The following RPS6KA5 variants were observed in gnomAD, a reference collection of about 807,000 sequenced individuals.
RPS6KA5 encodes the protein ribosomal protein S6 kinase A5.
In RPS6KA5, 27 loss-of-function variants were observed where a neutral mutation model predicts 85.5. That is an observed-to-expected ratio of 0.32 (90% confidence interval 0.23 to 0.44). The LOEUF (loss-of-function observed/expected upper bound fraction) is 0.44, where lower values mean the gene tolerates loss of function less well. Ranked by LOEUF, RPS6KA5 falls within the 20% of genes least tolerant of loss-of-function variation. The pLI is 1.00. For missense variants in RPS6KA5, 811 were observed against 980.9 expected (o/e 0.83, Z 2.31); for synonymous variants, 334 against 348.2 (o/e 0.96, Z 0.46).
rs942349566 is a variant in RPS6KA5, at chr14:90,870,262, G to A, written c.*1812C>T. The stretch of plus-strand genomic sequence containing the variant: ...TGATTACTAGAGATCTGTGCCTGAT[G>A]GAATCACATTTTGTGAATTAGCAAT... On this transcript the variant is annotated 3_prime_UTR_variant, in exon 17 of 17. Coordinates refer to ENST00000614987, the MANE Select transcript of RPS6KA5 (RefSeq NM_004755.4). The A allele has an allele frequency of 6.6e-6, 1 of 152,048 alleles. No individual in the cohort carries two copies. The highest frequency in any genetic ancestry group is 1.5e-5 in the Non-Finnish European group (1 of 68,000). 9.4% of individuals were successfully genotyped at this position (152,048 alleles called of 1,614,324 possible).
chr14:90,955,853 T>C (rs571699456), intron 3 of RPS6KA5, among the ~76,000 whole-genome samples: 1 of 152,328 alleles, frequency 6.6e-6, no homozygotes, highest in East Asian at 1.9e-4. Context: ...CTCCATTTCT[T>C]TCAGTTTTTG....
intron 1 of RPS6KA5, among the ~76,000 whole-genome samples, chr14:91,051,686 A>G (rs1488739794): frequency 5.3e-5 from 8 of 151,778 alleles, no homozygotes; most frequent in Non-Finnish European, 1.2e-4. Context: ...ATGGGGTTTC[A>G]CCATGTTGGC....
At chr14:90,942,257 A>G (rs2140352770) in intron 5 of RPS6KA5, among the ~76,000 whole-genome samples, 1 of 152,332 alleles carries the variant, frequency 6.6e-6, no homozygotes, top group South Asian at 2.1e-4. Flanking sequence ...AAATAGATAT[A>G]CCTAATTTGG....
chr14:90,997,850 A>C (rs1205435801), intron 2 of RPS6KA5, among the ~76,000 whole-genome samples: 2 of 151,986 alleles, frequency 1.3e-5, no homozygotes, highest in Admixed American at 1.3e-4. Flanking sequence ...GTCTCTATTA[A>C]AAATACAAAA....
At chr14:90,947,054 G>C (rs2037908964) in intron 4 of RPS6KA5, among the ~76,000 whole-genome samples, 1 of 152,232 alleles carries the variant, frequency 6.6e-6, no homozygotes, top group Non-Finnish European at 1.5e-5. Flanking sequence ...ACACCCTGAA[G>C]ATGTACAGGC....
chr14:91,013,305 G>A (rs1390848960), intron 1 of RPS6KA5, among the ~76,000 whole-genome samples: 1 of 152,166 alleles, frequency 6.6e-6, no homozygotes, highest in Non-Finnish European at 1.5e-5. Context: ...CTGACCCCAA[G>A]CAGCTCAGGG....
intron 13 of RPS6KA5, chr14:90,894,118 T>C (rs920447622): frequency 9.7e-7 from 1 of 1,026,866 alleles, no homozygotes; most frequent in East Asian, 7.2e-5. Context: ...TATAAAAATT[T>C]CCATTGCTAT....
At chr14:91,004,929 C>CA (rs2040949678) in intron 1 of RPS6KA5, among the ~76,000 whole-genome samples, 1 of 150,720 alleles carries the variant, frequency 6.6e-6, no homozygotes, top group South Asian at 2.1e-4. Flanking sequence ...GATCGCGCGC[C>CA]ACTGCACTCC....
intron 5 of RPS6KA5, among the ~76,000 whole-genome samples, chr14:90,923,434 A>G (rs924155459): frequency 6.6e-6 from 1 of 151,694 alleles, no homozygotes; most frequent in African/African-American, 2.4e-5. Context: ...ACCATCATCC[A>G]TCCATCCATC....
chr14:90,878,296 T>C (rs1248513179), intron 14 of RPS6KA5, among the ~76,000 whole-genome samples: 1 of 152,204 alleles, frequency 6.6e-6, no homozygotes, highest in Admixed American at 6.5e-5. Flanking sequence ...TACTGTGGTC[T>C]TGATTAAACA....
intron 2 of RPS6KA5, among the ~76,000 whole-genome samples, chr14:90,993,706 T>C (rs1465203195): frequency 3.9e-5 from 6 of 152,306 alleles, no homozygotes; most frequent in Admixed American, 3.9e-4. Flanking sequence ...CTCTGTCTCA[T>C]GTTCATCAGT....
intron 14 of RPS6KA5, among the ~76,000 whole-genome samples, chr14:90,886,585 A>C (rs1455709865): frequency 6.6e-6 from 1 of 152,184 alleles, no homozygotes; most frequent in Non-Finnish European, 1.5e-5. Context: ...GTGCAGACCA[A>C]GGAAAGGCTG....
At chr14:90,944,563 C>T (rs2037766785) in intron 4 of RPS6KA5, among the ~76,000 whole-genome samples, 1 of 152,122 alleles carries the variant, frequency 6.6e-6, no homozygotes, top group Admixed American at 6.5e-5. Context: ...CGAGACCAGC[C>T]TGACCAACAT....
chr14:90,921,457 T>G (rs1422271307), intron 6 of RPS6KA5, among the ~76,000 whole-genome samples: 1 of 152,238 alleles, frequency 6.6e-6, no homozygotes, highest in Non-Finnish European at 1.5e-5. Flanking sequence ...TTTTCTTATG[T>G]GAAAATTGGT....
chr14:90,947,541 T>C lies in RPS6KA5; in HGVS notation c.404A>G (p.Asn135Ser). Reference sequence around the variant, plus strand: ...AAGATGAGTAAAAAGTTCACCACCATTTATATAATCTAAAAATGAAATACA... The same window carrying C: ...AAGATGAGTAAAAAGTTCACCACCACTTATATAATCTAAAAATGAAATACA... Reference protein sequence around the residue: ...TKLHLILDYINGGELFTHLSQ... With the variant: ...TKLHLILDYISGGELFTHLSQ... The change falls in exon 4 of 17, where the codon AAT (asparagine) becomes AGT (serine). Residue 135 changes from asparagine to serine, a missense_variant. Around this residue, in one of 3 missense-constraint regions of RPS6KA5, gnomAD observed 48 missense variants for 87.6 expected, o/e 0.55. Coordinates refer to ENST00000614987, the MANE Select transcript of RPS6KA5 (RefSeq NM_004755.4). 1 of 1,563,000 alleles carries C rather than the reference T, an allele frequency of 6.4e-7. No individual in the cohort carries two copies. The highest frequency in any genetic ancestry group is 2.2e-5 in the East Asian group (1 of 44,586).
At position 90,873,632 on chromosome 14, in the gene RPS6KA5, G is replaced by C; in HGVS notation, c.2160C>G (p.His720Gln). 1 of 1,613,560 alleles carries C rather than the reference G, an allele frequency of 6.2e-7. No homozygotes were observed. The stretch of plus-strand genomic sequence containing the variant: ...ACATGTACAGAGCACAGGGCCTTAC[G>C]TGGAAGGTTGCTTTCACACAGGTAT... ...AVHTCVKATF[H>Q]AFNKYKREGF... The change falls in exon 16 of 17, where the codon CAC becomes CAG. Residue 720 changes from histidine (H) to glutamine (Q), a missense_variant and splice_region_variant. Around this residue, in one of 3 missense-constraint regions of RPS6KA5, gnomAD observed 650 missense variants for 793.4 expected, o/e 0.82. Transcript: ENST00000614987.
intron 14 of RPS6KA5, among the ~76,000 whole-genome samples, chr14:90,884,898 T>C (rs1156242006): frequency 6.6e-6 from 1 of 152,204 alleles, no homozygotes; most frequent in Non-Finnish European, 1.5e-5. Context: ...AATAGTTTTC[T>C]AAAGTCTGCT....
At chr14:90,958,916 A>C (rs760711521) in intron 3 of RPS6KA5, among the ~76,000 whole-genome samples, 1 of 152,132 alleles carries the variant, frequency 6.6e-6, no homozygotes, top group Non-Finnish European at 1.5e-5. Flanking sequence ...AAGGATGGTT[A>C]GTATAGGCCT....
At chr14:91,028,495 C>T (rs935032875) in intron 1 of RPS6KA5, among the ~76,000 whole-genome samples, 4 of 152,032 alleles carry the variant, frequency 2.6e-5, no homozygotes, top group African/African-American at 7.3e-5. Flanking sequence ...GGATTACAGG[C>T]ATGAGCCACC....
Sources: gnomAD v4.1 joint callset for allele counts (sites outside exome capture counted in the v4.1 genomes callset) on GRCh38, gnomAD v4.1.1 for gene constraint, gnomAD v4.1.1 regional missense constraint, MANE v1.5 for transcripts, NCBI Gene and HGNC (gene_info 2026-07-23, HGNC 2026-07-21) for gene names.